The following TFRC variants were observed in gnomAD, a reference collection of about 807,000 sequenced individuals.
The protein encoded by TFRC is transferrin receptor.
Under a neutral mutation model 85.8 loss-of-function variants are expected in TFRC, and 35 were observed. The ratio of observed to expected loss-of-function variants is 0.41; its 90% CI spans 0.31 to 0.54. The LOEUF (loss-of-function observed/expected upper bound fraction) is 0.54. Ranked by LOEUF, TFRC falls within the 20% of genes least tolerant of loss-of-function variation. The pLI is 0.31. For synonymous variants in TFRC, 362 were observed against 328.6 expected (o/e 1.10, Z -1.10); for missense variants, 828 against 921.5 (o/e 0.90, Z 1.31).
chr3:196,069,325 T>A, intron 7 of TFRC, 130 bp downstream of exon 7: 3 of 616,468 alleles, frequency 4.9e-6, no homozygotes, highest in Non-Finnish European at 8.4e-6. Flanking sequence ...TTTAATAAAT[T>A]ATATTATCTG....
chr3:196,052,669 G>C (rs1212852693), intron 18 of TFRC, among the ~76,000 whole-genome samples: 1 of 151,990 alleles, frequency 6.6e-6, no homozygotes, highest in Non-Finnish European at 1.5e-5. Flanking sequence ...TTGAACTCCT[G>C]ACCTCAGGTG....
rs750628489 is a variant in TFRC at position 196,077,049 on chromosome 3, C to T, written c.36+15G>A. 7.4e-6 allele frequency: 12 copies of T among 1,612,760 alleles called. No individual in the cohort carries two copies. The South Asian group carries it at 1.3e-4, about 18-fold the overall frequency. On this transcript the variant is annotated intron_variant, in intron 2 of 18. Transcript: ENST00000360110. The stretch of plus-strand genomic sequence containing the variant: ...CATTCTTGCAGACACAGAAATACAA[C>T]TGAAAATATCTTACCAAGTTAGAGA...
chr3:196,070,902 G>A (rs1484880164), intron 6 of TFRC, among the ~76,000 whole-genome samples: 2 of 151,960 alleles, frequency 1.3e-5, no homozygotes, highest in African/African-American at 4.8e-5. Flanking sequence ...CCAAGCTCAC[G>A]CCACTGCACT....
chr3:196,057,445 G>C (rs1716892712), intron 16 of TFRC, among the ~76,000 whole-genome samples: 1 of 152,128 alleles, frequency 6.6e-6, no homozygotes, highest in Non-Finnish European at 1.5e-5. Context: ...TCAGTTTTTG[G>C]AGACGTGAGT....
rs1257253733 is a variant in TFRC, at chr3:196,050,951, T to TA, written c.*990dup. ...TTTATTAGCAGATGCTGCTTTTATT[T>TA]AAAAAAAACCGACAGTATAACTGTC... On this transcript the variant is annotated 3_prime_UTR_variant, in exon 19 of 19. Transcript: ENST00000360110. 2.3e-4 allele frequency: 44 copies of TA among 190,844 alleles called. No homozygotes were observed. Among genetic ancestry groups the TA allele is most frequent in the East Asian group, 5.9e-4 (7 of 11,886 alleles). 11.8% of individuals were successfully genotyped at this position (190,844 alleles called of 1,614,324 possible).
At chr3:196,070,972 T>C (rs1718153252) in intron 6 of TFRC, among the ~76,000 whole-genome samples, 1 of 151,882 alleles carries the variant, frequency 6.6e-6, no homozygotes, top group Non-Finnish European at 1.5e-5. Flanking sequence ...AGATCAAGCA[T>C]TAACGAATCA....
chr3:196,054,576 A>G (rs1204478504), intron 17 of TFRC, among the ~76,000 whole-genome samples: 1 of 152,226 alleles, frequency 6.6e-6, no homozygotes, highest in Non-Finnish European at 1.5e-5. Flanking sequence ...GGATTTTGCT[A>G]TGTTGCCTGG....
rs756204477 is a variant in TFRC, at chr3:196,075,156, C to G, written c.238+3G>C. The G allele has an allele frequency of 6.2e-7, 1 of 1,612,448 alleles. No homozygotes were observed. Among genetic ancestry groups the G allele is most frequent in the Non-Finnish European group, 8.5e-7 (1 of 1,178,860 alleles). On this transcript the variant is annotated splice_donor_region_variant and intron_variant, in intron 3 of 18. Transcript: ENST00000360110. ...CATTGAAGTTTGGAATGGTCATTCTCACCAATCAAGAAAAAGACGATCACA... is the reference window on the plus strand; with the variant it reads ...CATTGAAGTTTGGAATGGTCATTCTGACCAATCAAGAAAAAGACGATCACA...
At chr3:196,078,809 T>C (rs1332321108) in intron 1 of TFRC, among the ~76,000 whole-genome samples, 1 of 151,952 alleles carries the variant, frequency 6.6e-6, no homozygotes, top group Non-Finnish European at 1.5e-5. Flanking sequence ...AGTTTCGGTC[T>C]TGTTGCCTAG....
intron 2 of TFRC, 49 bp downstream of exon 2, chr3:196,077,015 T>C (rs764498227): frequency 1.9e-5 from 29 of 1,548,332 alleles, no homozygotes; most frequent in Non-Finnish European, 2.3e-5. Context: ...GTCATGCTTG[T>C]ATATTTCACA....
chr3:196,050,263 CCA>C lies in TFRC; in HGVS notation c.*1677_*1678del, dbSNP rs1716203499. 1 of 222,526 alleles carries C rather than the reference CCA, an allele frequency of 4.5e-6. No individual in the cohort carries two copies. Among genetic ancestry groups the C allele is most frequent in the Non-Finnish European group, 9.0e-6 (1 of 111,578 alleles). The allele number at this position is 222,526 out of a possible 1,614,324, so 13.8% of individuals were successfully genotyped here. A position where few individuals can be genotyped will look rare whatever the true frequency, so the allele number is the denominator to read the frequency against. On this transcript the variant is annotated 3_prime_UTR_variant, in exon 19 of 19. Transcript: ENST00000360110. ...TCATTAAGTAGAGGACCTGGAGAAA[CCA>C]TAAAGGTAACAAAAACCCAAGCTAA...
chr3:196,063,817 T>C (rs557187134), intron 11 of TFRC, among the ~76,000 whole-genome samples: 1 of 152,232 alleles, frequency 6.6e-6, no homozygotes, highest in East Asian at 1.9e-4. Context: ...CTCAGGAGGC[T>C]GAGGCAGGAG....
intron 9 of TFRC, among the ~76,000 whole-genome samples, chr3:196,066,853 T>C (rs12494505): frequency 6.6e-6 from 1 of 152,232 alleles, no homozygotes; most frequent in Non-Finnish European, 1.5e-5. Flanking sequence ...ACCTATGTCA[T>C]ACAGGAGATA....
Position 196,065,435 on chromosome 3 carries a change from GTCTTTACC to G in TFRC, c.1198_1198+7del. 1 of 655,712 alleles carries G rather than the reference GTCTTTACC, an allele frequency of 1.5e-6. No homozygotes were observed. The highest frequency in any genetic ancestry group is 2.2e-6 in the Non-Finnish European group (1 of 463,136). 40.6% of individuals were successfully genotyped at this position (655,712 alleles called of 1,614,324 possible). On this transcript the variant is annotated splice_donor_variant and splice_donor_5th_base_variant and coding_sequence_variant and intron_variant, in exon 10 of 19. Coordinates refer to ENST00000360110, the MANE Select transcript of TFRC (RefSeq NM_001128148.3). LOFTEE classifies it high-confidence loss of function. ...AGCGGGGCGGGGGGGGGGGGGGGCG[GTCTTTACC>G]TGGTTCTACAAAGCCTTTAATAACT...
rs1560063628 is a variant in TFRC, at chr3:196,052,155, T to C, written c.2070A>G (p.Val690=). The C allele has an allele frequency of 6.2e-7, 1 of 1,614,036 alleles. No individual in the cohort carries two copies. Among genetic ancestry groups the C allele is most frequent in the Non-Finnish European group, 8.5e-7 (1 of 1,180,010 alleles). The stretch of plus-strand genomic sequence containing the variant: ...GTCGGAAAGGAGACTCTTTTGGAGA[T>C]ACGTAGGGAGAGAGGAAGTGATACT... ...RVEYHFLSPY[V]SPKESPFRHV... Residue 690 remains valine (V), a synonymous_variant, in exon 19 of 19, where the codon GTA becomes GTG. Transcript: ENST00000360110.
intron 4 of TFRC, 60 bp downstream of exon 4, chr3:196,073,870 G>C: frequency 6.6e-7 from 1 of 1,515,330 alleles, no homozygotes; most frequent in Non-Finnish European, 9.0e-7. Flanking sequence ...TTGTTTCCCC[G>C]TGGCCTATCA....
intron 11 of TFRC, chr3:196,063,506 A>G (rs1021124732): frequency 6.5e-6 from 1 of 152,878 alleles, no homozygotes; most frequent in Admixed American, 6.5e-5. Context: ...TTCTCCATTA[A>G]TGTACTCTGT....
intron 9 of TFRC, 130 bp downstream of exon 9, chr3:196,067,388 C>G (rs1207195330): frequency 1.1e-5 from 11 of 978,602 alleles, no homozygotes; most frequent in Non-Finnish European, 1.6e-5. Context: ...ACCAAGGTAA[C>G]AGCTAACCAT....
chr3:196,074,219 C>T, intron 3 of TFRC, 94 bp from the exon 4 acceptor site: 1 of 1,209,446 alleles, frequency 8.3e-7, no homozygotes. Context: ...CTTGAAAATA[C>T]TGGTTTTCAT....
Sources: gnomAD v4.1 joint callset for allele counts (sites outside exome capture counted in the v4.1 genomes callset) on GRCh38, gnomAD v4.1.1 for gene constraint, MANE v1.5 for transcripts, NCBI Gene and HGNC (gene_info 2026-07-23, HGNC 2026-07-21) for gene names.